The following VWDE variants were observed in gnomAD, a reference collection of about 807,000 sequenced individuals.
VWDE encodes the protein von Willebrand factor D and EGF domains, also known as von Willebrand factor D and EGF domain-containing protein.
A neutral mutation model predicts 178.4 loss-of-function variants in VWDE; 207 were observed. The observed-to-expected ratio is 1.16, with a 90% confidence interval of 1.04 to 1.30. The LOEUF is 1.30. Ranked by LOEUF, VWDE falls within the 50% of genes most tolerant of loss-of-function variation. VWDE has a pLI of 0.00. For missense variants in VWDE, 2,287 were observed against 1,901.3 expected (o/e 1.20, Z -3.77); for synonymous variants, 738 against 651.4 (o/e 1.13, Z -2.02).
In VWDE at chr7:12,336,985, T is replaced by C; in HGVS notation, c.4558+3A>G. 6.5e-7 allele frequency: 1 copy of C among 1,549,566 alleles called. No individual in the cohort carries two copies. Among genetic ancestry groups the C allele is most frequent in the Non-Finnish European group, 8.7e-7 (1 of 1,145,858 alleles). On this transcript the variant is annotated splice_donor_region_variant and intron_variant, in intron 26 of 28. Transcript: ENST00000275358. ...TTCAGTGTTTTAAGAGTATTCCTCT[T>C]ACGTGTGTTGCATCGTTTCCCACTC...
chr7:12,399,678 G>A (rs1396562910), intron 1 of VWDE, among the ~76,000 whole-genome samples: 1 of 152,010 alleles, frequency 6.6e-6, no homozygotes, highest in Non-Finnish European at 1.5e-5. Context: ...AATAAAACAA[G>A]CCTTGATAAA....
intron 7 of VWDE, 40 bp from the exon 8 acceptor site, chr7:12,375,267 A>G: frequency 7.2e-7 from 1 of 1,380,760 alleles, no homozygotes; most frequent in South Asian, 1.3e-5. Context: ...TTCCAAGAGA[A>G]TATACTAACC....
chr7:12,400,536 G>C (rs1313176829), intron 1 of VWDE, among the ~76,000 whole-genome samples: 1 of 152,036 alleles, frequency 6.6e-6, no homozygotes. Context: ...TTTATAACAA[G>C]TAAAAATATC....
intron 18 of VWDE, among the ~76,000 whole-genome samples, chr7:12,354,840 G>A (rs967103671): frequency 6.6e-6 from 1 of 152,108 alleles, no homozygotes; most frequent in Non-Finnish European, 1.5e-5. Context: ...AGTTATTTAG[G>A]ATGGTTGTCT....
In VWDE at chr7:12,357,378, C is replaced by T. The variant is rs1216021256; in HGVS notation, c.3412G>A (p.Ala1138Thr). 4 of 1,551,944 alleles carry T rather than the reference C, an allele frequency of 2.6e-6. 1 individual carries two copies. In the South Asian group the frequency reaches 3.6e-5, roughly 14 times the overall value. ...HFTLDSGPEG[A>T]SVSSAGLFMW... ...AAAAGCCCTGCAGAGGAAACACTTG[C>T]CCCTTCAGGACCAGAGTCCAACGTA... Residue 1138 changes from alanine to threonine, a missense_variant, in exon 17 of 29, where the codon GCA becomes ACA. Physicochemically the swap from Ala to Thr is moderately conservative, Grantham distance 58 (BLOSUM62 0). Transcript: ENST00000275358.
At position 12,375,358 on chromosome 7, in the gene VWDE, T is replaced by C. The variant is rs1783467974; in HGVS notation, c.1025-131A>G. Reference sequence around the variant, plus strand: ...ATTATTTTCTCTTTCTTAAAACATATGGTTGCAAATTTTGTCTAAATTAAG... The same window carrying C: ...ATTATTTTCTCTTTCTTAAAACATACGGTTGCAAATTTTGTCTAAATTAAG... On this transcript the variant is annotated intron_variant, in intron 7 of 28. Coordinates refer to ENST00000275358, the MANE Select transcript of VWDE (RefSeq NM_001135924.3). The C allele has an allele frequency of 4.6e-6, 4 of 862,086 alleles. No homozygotes were observed. In the South Asian group the frequency reaches 5.6e-5, roughly 12 times the overall value. 53.4% of individuals were successfully genotyped at this position (862,086 alleles called of 1,614,324 possible). A position where few individuals can be genotyped will look rare whatever the true frequency, so the allele number is the denominator to read the frequency against.
intron 2 of VWDE, among the ~76,000 whole-genome samples, chr7:12,389,717 A>G (rs1784290328): frequency 6.6e-6 from 1 of 152,250 alleles, no homozygotes; most frequent in Non-Finnish European, 1.5e-5. Flanking sequence ...AACACATAAC[A>G]CAAAGATAAA....
intron 22 of VWDE, among the ~76,000 whole-genome samples, 167 bp downstream of exon 22, chr7:12,342,916 A>G (rs113902661): frequency 0.019 from 2,781 of 148,798 alleles, 81 homozygotes; most frequent in African/African-American, 0.065. Context: ...CCCACCTATG[A>G]GTGAGAACAT....
At chr7:12,341,845 G>C (rs2128546704) in intron 23 of VWDE, among the ~76,000 whole-genome samples, 1 of 152,254 alleles carries the variant, frequency 6.6e-6, no homozygotes, top group East Asian at 1.9e-4. Flanking sequence ...GGTTGGTTAA[G>C]ATAACAGTAA....
intron 2 of VWDE, among the ~76,000 whole-genome samples, chr7:12,392,144 T>C (rs1188156325): frequency 6.6e-6 from 1 of 152,230 alleles, no homozygotes; most frequent in East Asian, 1.9e-4. Flanking sequence ...TACATGACTT[T>C]GGTCATGTGA....
intron 19 of VWDE, among the ~76,000 whole-genome samples, chr7:12,344,774 A>G (rs1051794117): frequency 6.6e-6 from 1 of 152,224 alleles, no homozygotes; most frequent in Non-Finnish European, 1.5e-5. Context: ...GTGAGAAGAT[A>G]GAAACAATGC....
intron 12 of VWDE, 144 bp from the exon 13 acceptor site, chr7:12,367,637 G>T: frequency 1.7e-6 from 1 of 602,358 alleles, no homozygotes. Context: ...CACTAATTAA[G>T]CCATTAAATG....
chr7:12,349,509 T>A (rs1247383193), intron 19 of VWDE, among the ~76,000 whole-genome samples: 1 of 151,488 alleles, frequency 6.6e-6, no homozygotes, highest in Admixed American at 6.6e-5. Context: ...TAAAAATATA[T>A]TTATTTGATT....
At chr7:12,375,558 A>G (rs920003391) in intron 7 of VWDE, among the ~76,000 whole-genome samples, 1 of 151,770 alleles carries the variant, frequency 6.6e-6, no homozygotes, top group African/African-American at 2.4e-5. Flanking sequence ...ATATATTATA[A>G]TTTTACATAT....
At position 12,389,447 on chromosome 7, in the gene VWDE, C is replaced by A. The variant is rs866570440; in HGVS notation, c.244-89G>T. On this transcript the variant is annotated intron_variant, in intron 2 of 28. Coordinates refer to ENST00000275358, the MANE Select transcript of VWDE (RefSeq NM_001135924.3). ...AACTTTGCATTTTATTCTAATCAAG[C>A]CTTAAAATATCATTAATCATTAAAA... is the stretch of plus-strand genomic sequence containing the variant. 59 of 929,144 alleles carry A rather than the reference C, an allele frequency of 6.3e-5. No homozygotes were observed. The African/African-American group carries it at 7.4e-4, about 12-fold the overall frequency. 57.6% of individuals were successfully genotyped at this position (929,144 alleles called of 1,614,324 possible).
intron 21 of VWDE, among the ~76,000 whole-genome samples, chr7:12,343,517 T>A (rs76661381): frequency 0.019 from 2,840 of 152,300 alleles, 83 homozygotes; most frequent in African/African-American, 0.064. Context: ...TATGCTATTT[T>A]TATTGAATGT....
At chr7:12,347,443 C>A (rs1324666512) in intron 19 of VWDE, among the ~76,000 whole-genome samples, 1 of 151,884 alleles carries the variant, frequency 6.6e-6, no homozygotes, top group Non-Finnish European at 1.5e-5. Context: ...ATAAAAATTA[C>A]AAAATACAAG....
intron 18 of VWDE, chr7:12,353,897 C>A (rs1782076604): frequency 6.6e-6 from 1 of 151,024 alleles, no homozygotes; most frequent in Non-Finnish European, 1.5e-5. Flanking sequence ...GCTGGCTGCC[C>A]AAGGAGTGCT....
rs950050279 is a variant in VWDE, at chr7:12,344,479, A to C, written c.3887-10T>G. On this transcript the variant is annotated splice_polypyrimidine_tract_variant and intron_variant, in intron 19 of 28. Transcript: ENST00000275358. ...GGATATTTACAAATGGCTAAAAAAAAATCAAAGAAAAAAAGGTTGATTGCT... is the reference window on the plus strand; with the variant it reads ...GGATATTTACAAATGGCTAAAAAAACATCAAAGAAAAAAAGGTTGATTGCT... The C allele has an allele frequency of 5.8e-6, 9 of 1,542,998 alleles. No individual in the cohort carries two copies. Among genetic ancestry groups the C allele is most frequent in the Admixed American group, 2.0e-5 (1 of 49,780 alleles).
Sources: gnomAD v4.1 joint callset for allele counts (sites outside exome capture counted in the v4.1 genomes callset) on GRCh38, gnomAD v4.1.1 for gene constraint, MANE v1.5 for transcripts, NCBI Gene and HGNC (gene_info 2026-07-23, HGNC 2026-07-21) for gene names.